The following CFAP58 variants were observed in gnomAD, a reference collection of about 807,000 sequenced individuals.
CFAP58 encodes the protein cilia- and flagella-associated protein 58.
In CFAP58, 88 loss-of-function variants were observed where a neutral mutation model predicts 119.5. The observed-to-expected ratio is 0.74, with a 90% CI of 0.62 to 0.88. The LOEUF (loss-of-function observed/expected upper bound fraction) is 0.88. Ranked by LOEUF, CFAP58 falls within the 40% of genes least tolerant of loss-of-function variation. The pLI is 0.00. For missense variants in CFAP58, 990 were observed against 1,021.2 expected (o/e 0.97, Z 0.42); for synonymous variants, 365 against 366.3 (o/e 1.00, Z 0.04).
intron 7 of CFAP58, among the ~76,000 whole-genome samples, chr10:104,374,306 A>T (rs1281909070): frequency 6.6e-6 from 1 of 151,734 alleles, no homozygotes; most frequent in Admixed American, 6.6e-5. Context: ...CCAGAAAAAA[A>T]AAAGAAAGAA....
At chr10:104,376,065 G>T (rs958570432) in intron 7 of CFAP58, among the ~76,000 whole-genome samples, 1 of 152,038 alleles carries the variant, frequency 6.6e-6, no homozygotes, top group Non-Finnish European at 1.5e-5. Context: ...AGGGAAAAGG[G>T]GATTCTTTAT....
intron 9 of CFAP58, among the ~76,000 whole-genome samples, 164 bp from the exon 10 acceptor site, chr10:104,392,069 T>C (rs2012056520): frequency 6.6e-6 from 1 of 152,194 alleles, no homozygotes; most frequent in Non-Finnish European, 1.5e-5. Context: ...CCTAATCAGT[T>C]GGGCTGAATT....
At chr10:104,369,615 G>A (rs768136133) in intron 6 of CFAP58, among the ~76,000 whole-genome samples, 23 of 152,242 alleles carry the variant, frequency 1.5e-4, no homozygotes, top group Non-Finnish European at 2.9e-4. Flanking sequence ...TAATGTATTA[G>A]CCCCTAAGGT....
At chr10:104,425,039 C>A (rs77560371) in intron 15 of CFAP58, among the ~76,000 whole-genome samples, 155 of 152,306 alleles carry the variant, frequency 1.0e-3, no homozygotes, top group Non-Finnish European at 1.8e-3. Flanking sequence ...GTGACTCCAG[C>A]TGTAAGGCAG....
intron 15 of CFAP58, among the ~76,000 whole-genome samples, chr10:104,437,596 A>C (rs764405091): frequency 2.9e-4 from 44 of 152,256 alleles, no homozygotes; most frequent in Non-Finnish European, 1.5e-4. Context: ...ATGATATTAG[A>C]AAAATGATAA....
At chr10:104,442,662 G>A (rs957976525) in intron 15 of CFAP58, among the ~76,000 whole-genome samples, 4 of 151,264 alleles carry the variant, frequency 2.6e-5, no homozygotes, top group Non-Finnish European at 1.5e-5. Context: ...CATACAAGTA[G>A]TCTTTTCAGA....
rs749648084 is a variant in CFAP58, at chr10:104,365,813, G to C, written c.598-1G>C. 2.5e-6 allele frequency: 4 copies of C among 1,608,472 alleles called. No homozygotes were observed. The highest frequency in any genetic ancestry group is 1.1e-5 in the South Asian group (1 of 90,356). On this transcript the variant is annotated splice_acceptor_variant, in intron 4 of 17. Coordinates refer to ENST00000369704, the MANE Select transcript of CFAP58 (RefSeq NM_001008723.2). LOFTEE classifies it high-confidence loss of function. ...TCTCTTGTCCTTTCCGCAACCTCTAGTTCCAACAAGAAATCCAGCAACGTC... is the reference window on the plus strand; with the variant it reads ...TCTCTTGTCCTTTCCGCAACCTCTACTTCCAACAAGAAATCCAGCAACGTC...
intron 13 of CFAP58, among the ~76,000 whole-genome samples, chr10:104,401,651 C>T (rs2012267237): frequency 2.6e-5 from 4 of 152,176 alleles, no homozygotes; most frequent in Admixed American, 2.0e-4. Context: ...TGGTTTGGAT[C>T]TGCTTCTCAA....
At chr10:104,391,372 A>G (rs1223710146) in intron 9 of CFAP58, among the ~76,000 whole-genome samples, 1 of 152,162 alleles carries the variant, frequency 6.6e-6, no homozygotes, top group Non-Finnish European at 1.5e-5. Context: ...CCATTAATTA[A>G]GGGAACACCA....
chr10:104,412,160 T>A (rs1251046813), intron 15 of CFAP58, among the ~76,000 whole-genome samples: 2 of 152,250 alleles, frequency 1.3e-5, no homozygotes, highest in Admixed American at 1.3e-4. Context: ...GTTTTCATGT[T>A]ATTTAGTCTG....
At chr10:104,339,000 C>T in the CFAP58 span, among the ~76,000 whole-genome samples, 31 of 151,970 alleles carry the variant, frequency 2.0e-4, no homozygotes, top group Admixed American at 2.0e-3. Flanking sequence ...CCTCCGCCTC[C>T]CGGGTTCGAG....
intron 5 of CFAP58, among the ~76,000 whole-genome samples, chr10:104,368,007 T>C (rs950075836): frequency 2.6e-5 from 4 of 152,268 alleles, no homozygotes; most frequent in Non-Finnish European, 5.9e-5. Context: ...GGCATGTTAA[T>C]GCAGGATTTG....
At chr10:104,411,757 C>A (rs1197252200) in intron 15 of CFAP58, among the ~76,000 whole-genome samples, 1 of 148,288 alleles carries the variant, frequency 6.7e-6, no homozygotes, top group Non-Finnish European at 1.5e-5. Context: ...CTTAGGGAAG[C>A]AACTTTTTTT....
At chr10:104,357,961 A>G (rs2014601670) in intron 1 of CFAP58, among the ~76,000 whole-genome samples, 2 of 105,866 alleles carry the variant, frequency 1.9e-5, no homozygotes, top group Non-Finnish European at 3.5e-5. Context: ...ATATACACAT[A>G]TATGTACACA....
intron 15 of CFAP58, among the ~76,000 whole-genome samples, chr10:104,419,255 T>C (rs2012614525): frequency 6.6e-6 from 1 of 152,122 alleles, no homozygotes; most frequent in Non-Finnish European, 1.5e-5. Context: ...GGGCACCATA[T>C]GCTTCTACCT....
At chr10:104,452,759 CAGTCCTAGAA>C (rs2013215303) in intron 17 of CFAP58, among the ~76,000 whole-genome samples, 1 of 152,188 alleles carries the variant, frequency 6.6e-6, no homozygotes, top group Admixed American at 6.5e-5. Flanking sequence ...TTCAATTGGG[CAGTCCTAGAA>C]AGTTCTAGAA....
At chr10:104,353,989 G>A in intron 1 of CFAP58, 83 bp downstream of exon 1, 1 of 1,518,304 alleles carries the variant, frequency 6.6e-7, no homozygotes, top group South Asian at 1.1e-5. Flanking sequence ...CACAAACGGT[G>A]ATTCCAATAT....
intron 1 of CFAP58, among the ~76,000 whole-genome samples, chr10:104,357,759 ATGTGTATG>A (rs986658715): frequency 1.3e-5 from 2 of 151,352 alleles, no homozygotes; most frequent in African/African-American, 4.9e-5. Flanking sequence ...TAAATGTATA[ATGTGTATG>A]TGTGTATATA....
At chr10:104,348,757 T>C in the CFAP58 span, among the ~76,000 whole-genome samples, 1 of 152,172 alleles carries the variant, frequency 6.6e-6, no homozygotes, top group Non-Finnish European at 1.5e-5. Context: ...CTCATACATA[T>C]CATTTAAGGT....
Sources: gnomAD v4.1 joint callset for allele counts (sites outside exome capture counted in the v4.1 genomes callset) on GRCh38, gnomAD v4.1.1 for gene constraint, MANE v1.5 for transcripts, NCBI Gene and HGNC (gene_info 2026-07-23, HGNC 2026-07-21) for gene names.